Variants in EFHC2 observed in about 807,000 individuals in gnomAD.
The protein encoded by EFHC2 is EF-hand domain containing 2, also known as EF-hand domain-containing family member C2.
In EFHC2, 18 loss-of-function variants were observed where a neutral mutation model predicts 52.7. That is an observed-to-expected ratio of 0.34 (90% CI 0.24 to 0.51). EFHC2 has a LOEUF of 0.51. Among genes scored for constraint, EFHC2 ranks in the 20% least tolerant of loss-of-function variants. The pLI is 0.97. For missense variants in EFHC2, 513 were observed against 562.5 expected, an observed-to-expected ratio of 0.91 and a Z score of 0.89; for synonymous variants, 203 against 204.1, an observed-to-expected ratio of 0.99 and a Z score of 0.04.
Position 44,261,204 on chromosome X carries a change from G to C in EFHC2, c.477C>G (p.Val159=). 1 of 1,211,421 alleles carries C rather than the reference G, an allele frequency of 8.3e-7. No individual in the cohort carries two copies. The highest frequency in any genetic ancestry group is 1.1e-6 in the Non-Finnish European group (1 of 895,270). Reference sequence around the variant, plus strand: ...AAATCTTGAATGTCCGGCCATAGAAGACAACCTCTGTGCCGACATTAAAAT... The same window carrying C: ...AAATCTTGAATGTCCGGCCATAGAACACAACCTCTGTGCCGACATTAAAAT... ...VYHFNVGTEV[V]FYGRTFKIYD... The change falls in exon 4 of 15, where the codon GTC becomes GTG. Residue 159 remains valine, a synonymous_variant. Transcript: ENST00000420999.
At chrX:44,309,513 T>C in intron 2 of EFHC2, 1 of 1,209,519 alleles carries the variant, frequency 8.3e-7, no homozygotes, top group East Asian at 3.0e-5. Flanking sequence ...ACTCAATGTA[T>C]TGCTTCATTA....
At chrX:44,305,018 T>C (rs2037894070) in intron 2 of EFHC2, among the ~76,000 whole-genome samples, 1 of 110,131 alleles carries the variant, frequency 9.1e-6, no homozygotes. Context: ...TCCCAGCACT[T>C]TGGGAGGCTG....
chrX:44,190,796 T>A (rs2036913956), intron 11 of EFHC2, among the ~76,000 whole-genome samples: 1 of 110,440 alleles, frequency 9.1e-6, no homozygotes, highest in African/African-American at 3.3e-5. Flanking sequence ...TCTTCTCACA[T>A]CCCAAAGCTG....
At chrX:44,201,700 T>C (rs2037007382) in intron 11 of EFHC2, among the ~76,000 whole-genome samples, 1 of 111,863 alleles carries the variant, frequency 8.9e-6, no homozygotes. Context: ...CATATGGTTT[T>C]ACAGACAACT....
intron 12 of EFHC2, among the ~76,000 whole-genome samples, chrX:44,177,870 G>C (rs1220151139): frequency 9.1e-6 from 1 of 110,239 alleles, no homozygotes; most frequent in African/African-American, 3.3e-5. Context: ...GAACATGCAA[G>C]GGAGAAGCCT....
chrX:44,168,963 A>T (rs1054357364), intron 13 of EFHC2, among the ~76,000 whole-genome samples: 1 of 110,268 alleles, frequency 9.1e-6, no homozygotes, highest in Non-Finnish European at 1.9e-5. Flanking sequence ...CATTAAAGAC[A>T]GAAGCCAAAA....
At chrX:44,311,648 C>A (rs1486963464) in intron 2 of EFHC2, among the ~76,000 whole-genome samples, 1 of 111,679 alleles carries the variant, frequency 9.0e-6, no homozygotes, top group Admixed American at 9.5e-5. Flanking sequence ...TTCTAACTGC[C>A]AATATGTCCA....
chrX:44,336,860 A>G (rs1420209996), intron 1 of EFHC2, among the ~76,000 whole-genome samples: 2 of 112,164 alleles, frequency 1.8e-5, no homozygotes, highest in African/African-American at 6.5e-5. Flanking sequence ...TGTTATGTAC[A>G]TACAGGTCTA....
intron 1 of EFHC2, among the ~76,000 whole-genome samples, chrX:44,332,341 A>C (rs774326322): frequency 4.9e-4 from 54 of 109,779 alleles, no homozygotes; most frequent in African/African-American, 1.7e-3. Context: ...CCCCAACCCC[A>C]AAAAAATCTA....
Position 44,343,547 on chromosome X carries a change from G to A in EFHC2, c.42C>T (p.Asn14=), listed in dbSNP as rs1334402268. 1 of 1,194,499 alleles carries A rather than the reference G, an allele frequency of 8.4e-7. No homozygotes were observed. The highest frequency in any genetic ancestry group is 1.1e-6 in the Non-Finnish European group (1 of 887,401). Residue 14 remains asparagine, a splice_region_variant and synonymous_variant, in exon 1 of 15, where the codon AAC becomes AAT. Transcript: ENST00000420999. ...PLLPGNSFNR[N]VGKEKFHKSQ... ...GACCTCGGACGCCCTTCCTACTCACGTTGCGGTTGAAGCTGTTGCCCGGCA... is the reference window on the plus strand; with the variant it reads ...GACCTCGGACGCCCTTCCTACTCACATTGCGGTTGAAGCTGTTGCCCGGCA...
intron 10 of EFHC2, among the ~76,000 whole-genome samples, chrX:44,231,774 A>C (rs1301626795): frequency 1.8e-5 from 2 of 111,912 alleles, no homozygotes; most frequent in Non-Finnish European, 3.8e-5. Flanking sequence ...TTAAAATAAA[A>C]TTTTCCAGAT....
At chrX:44,203,430 G>A (rs2074773790) in intron 11 of EFHC2, among the ~76,000 whole-genome samples, 1 of 111,420 alleles carries the variant, frequency 9.0e-6, no homozygotes, top group Admixed American at 9.5e-5. Flanking sequence ...CATCAGAAAG[G>A]TGGATTCACG....
intron 2 of EFHC2, among the ~76,000 whole-genome samples, chrX:44,288,106 T>A (rs2037766097): frequency 9.0e-6 from 1 of 111,614 alleles, no homozygotes; most frequent in African/African-American, 3.3e-5. Flanking sequence ...CATGGTAAAA[T>A]TGATTTTTTA....
chrX:44,229,671 T>A lies in EFHC2; in HGVS notation c.1729A>T (p.Met577Leu). 8.3e-7 allele frequency: 1 copy of A among 1,211,076 alleles called. No individual in the cohort carries two copies. Among genetic ancestry groups the A allele is most frequent in the Admixed American group, 2.2e-5 (1 of 46,018 alleles). The change falls in exon 11 of 15, where the codon ATG becomes TTG. Residue 577 changes from methionine to leucine, a missense_variant. By Grantham distance (15) the Met-to-Leu change is conservative. Transcript: ENST00000420999. ...TACCTGAATGTATTATAATCCACCA[T>A]ATTTGTGTGCTTAGAGTCAGCAGCT... ...FKAADSKHTN[M>L]VDYNTFRDIL...
intron 11 of EFHC2, among the ~76,000 whole-genome samples, chrX:44,221,448 A>C (rs985398210): frequency 1.8e-5 from 2 of 112,125 alleles, no homozygotes; most frequent in African/African-American, 6.5e-5. Flanking sequence ...GTTCATAAAA[A>C]TAGCTCTTCT....
chrX:44,254,553 C>A (rs747549955), intron 4 of EFHC2, among the ~76,000 whole-genome samples: 1 of 111,280 alleles, frequency 9.0e-6, no homozygotes, highest in Admixed American at 9.5e-5. Context: ...TGAAATAAAG[C>A]GTGAAGACAA....
At chrX:44,327,557 G>T (rs773178892) in intron 1 of EFHC2, among the ~76,000 whole-genome samples, 2 of 111,456 alleles carry the variant, frequency 1.8e-5, no homozygotes, top group African/African-American at 6.5e-5. Flanking sequence ...ATAGTGTGGG[G>T]TTTTTTCCTC....
chrX:44,309,485 T>C, intron 2 of EFHC2: 2 of 1,206,469 alleles, frequency 1.7e-6, no homozygotes. Flanking sequence ...AGTTCCAGCA[T>C]AAGTCTGTCT....
At chrX:44,340,654 G>A (rs753784714) in intron 1 of EFHC2, among the ~76,000 whole-genome samples, 26 of 110,289 alleles carry the variant, frequency 2.4e-4, no homozygotes, top group Middle Eastern at 4.7e-3. Context: ...GCAAGACTCC[G>A]TCTAAAAAAA....
Sources: gnomAD v4.1 joint callset for allele counts (sites outside exome capture counted in the v4.1 genomes callset) on GRCh38, gnomAD v4.1.1 for gene constraint, MANE v1.5 for transcripts, NCBI Gene and HGNC (gene_info 2026-07-23, HGNC 2026-07-21) for gene names.